The following PANK2 variants were observed in gnomAD, a reference collection of about 807,000 sequenced individuals.
PANK2 encodes the protein pantothenate kinase 2, mitochondrial.
Under a neutral mutation model 43.1 loss-of-function variants are expected in PANK2, and 36 were observed. The observed-to-expected ratio is 0.84, with a 90% CI of 0.64 to 1.10. The LOEUF (loss-of-function observed/expected upper bound fraction) is 1.10. Ranked by LOEUF, PANK2 falls within the 50% of genes least tolerant of loss-of-function variation. The pLI, the probability that PANK2 is intolerant of heterozygous loss-of-function variation, is 0.00. For synonymous variants in PANK2, 281 were observed against 238.2 expected (o/e 1.18, Z -1.66); for missense variants, 576 against 593.3 (o/e 0.97, Z 0.30).
At chr20:3,890,304 T>C (rs917850597) in intron 1 of PANK2, among the ~76,000 whole-genome samples, 3 of 152,170 alleles carry the variant, frequency 2.0e-5, no homozygotes, top group African/African-American at 7.2e-5. Flanking sequence ...CCCTCCGTTT[T>C]CCTTCTGTCT....
chr20:3,916,906 A>T (rs2090569099), intron 4 of PANK2, 21 bp from the exon 5 acceptor site: 1 of 1,573,670 alleles, frequency 6.4e-7, no homozygotes, highest in African/African-American at 1.4e-5. Flanking sequence ...TAGCAATGGG[A>T]TTTTTTTTCC....
chr20:3,927,422 A>G lies in PANK2; in HGVS notation c.*4128A>G, dbSNP rs564243726. 2 of 152,352 alleles carry G rather than the reference A, an allele frequency of 1.3e-5. No homozygotes were observed. The highest frequency in any genetic ancestry group is 2.1e-4 in the South Asian group (1 of 4,828). 9.4% of individuals were successfully genotyped at this position (152,352 alleles called of 1,614,324 possible). A position where few individuals can be genotyped will look rare whatever the true frequency, so the allele number is the denominator to read the frequency against. ...ATTTTAAAATAGCAATTAAATATACAAAAATATAGCTTACAAAAAACTGCG... is the reference window on the plus strand; with the variant it reads ...ATTTTAAAATAGCAATTAAATATACGAAAATATAGCTTACAAAAAACTGCG... On this transcript the variant is annotated 3_prime_UTR_variant, in exon 7 of 7. Coordinates refer to ENST00000610179, the MANE Select transcript of PANK2 (RefSeq NM_001386393.1).
Position 3,928,228 on chromosome 20 carries a change from T to G in PANK2, c.*4934T>G, listed in dbSNP as rs2090755994. 1 of 150,906 alleles carries G rather than the reference T, an allele frequency of 6.6e-6. No individual in the cohort carries two copies. The highest frequency in any genetic ancestry group is 6.6e-5 in the Admixed American group (1 of 15,200). The allele number at this position is 150,906 out of a possible 1,614,324, so 9.3% of individuals were successfully genotyped here. Reference sequence around the variant, plus strand: ...AGAGATTCTACAAATGCCAGAAGAGTGGATGTGATAGAGAATTTTTTCTCA... The same window carrying G: ...AGAGATTCTACAAATGCCAGAAGAGGGGATGTGATAGAGAATTTTTTCTCA... On this transcript the variant is annotated 3_prime_UTR_variant, in exon 7 of 7. Transcript: ENST00000610179.
At chr20:3,913,618 A>G (rs1386211252) in intron 4 of PANK2, among the ~76,000 whole-genome samples, 1 of 149,204 alleles carries the variant, frequency 6.7e-6, no homozygotes, top group Non-Finnish European at 1.5e-5. Flanking sequence ...TACAGGTGTG[A>G]GCCACCGCGC....
chr20:3,927,707 C>T lies in PANK2; in HGVS notation c.*4413C>T, dbSNP rs1477266824. ...TTCCTAACACTTGCCACACCTGCTC[C>T]CCCGACCGGGGGCCTGGGAGGGAAG... is the stretch of plus-strand genomic sequence containing the variant. On this transcript the variant is annotated 3_prime_UTR_variant, in exon 7 of 7. Coordinates refer to ENST00000610179, the MANE Select transcript of PANK2 (RefSeq NM_001386393.1). 1 of 152,244 alleles carries T rather than the reference C, an allele frequency of 6.6e-6. No homozygotes were observed. Among genetic ancestry groups the T allele is most frequent in the Non-Finnish European group, 1.5e-5 (1 of 68,080 alleles). The allele number at this position is 152,244 out of a possible 1,614,324, so 9.4% of individuals were successfully genotyped here.
In PANK2 at chr20:3,929,331, T is replaced by C. The variant is rs2090784488; in HGVS notation, c.*6037T>C. 6.6e-6 allele frequency: 1 copy of C among 152,218 alleles called. No homozygotes were observed. The highest frequency in any genetic ancestry group is 6.5e-5 in the Admixed American group (1 of 15,272). The allele number at this position is 152,218 out of a possible 1,614,324, so 9.4% of individuals were successfully genotyped here. A position where few individuals can be genotyped will look rare whatever the true frequency, so the allele number is the denominator to read the frequency against. ...GGAGGATCACTTGAGTCCAGGAAGT[T>C]GAGGCTGCAGTGAGCTACAATGGTG... On this transcript the variant is annotated 3_prime_UTR_variant, in exon 7 of 7. Transcript: ENST00000610179.
intron 1 of PANK2, among the ~76,000 whole-genome samples, chr20:3,903,773 A>T (rs1054405637): frequency 6.6e-6 from 1 of 151,664 alleles, no homozygotes; most frequent in Non-Finnish European, 1.5e-5. Context: ...GATTAGAGGC[A>T]TGTGCCACCA....
intron 1 of PANK2, among the ~76,000 whole-genome samples, chr20:3,892,201 G>A (rs376154850): frequency 4.7e-4 from 72 of 152,080 alleles, no homozygotes; most frequent in Non-Finnish European, 7.8e-4. Context: ...AAAATTAGCT[G>A]GGCGTGGTGG....
chr20:3,904,953 G>T (rs2090361472), intron 1 of PANK2, among the ~76,000 whole-genome samples: 1 of 152,190 alleles, frequency 6.6e-6, no homozygotes, highest in Non-Finnish European at 1.5e-5. Context: ...TTTAGGGGAG[G>T]TATGAGATAC....
In PANK2 at chr20:3,907,963, G is replaced by C; in HGVS notation, c.336G>C (p.Leu112=). The C allele has an allele frequency of 6.2e-7, 1 of 1,614,102 alleles. No individual in the cohort carries two copies. Among genetic ancestry groups the C allele is most frequent in the Non-Finnish European group, 8.5e-7 (1 of 1,180,028 alleles). Residue 112 remains leucine, a synonymous_variant, in exon 2 of 7, where the codon CTG becomes CTC. Transcript: ENST00000610179. ...TTGGACTGGATATCGGTGGAACTCT[G>C]GTCAAGCTGGTATATTTTGAACCCA... is the stretch of plus-strand genomic sequence containing the variant.
chr20:3,893,944 T>A (rs1435217139), intron 1 of PANK2, among the ~76,000 whole-genome samples: 1 of 132,574 alleles, frequency 7.5e-6, no homozygotes, highest in African/African-American at 2.7e-5. Flanking sequence ...TTTTTTTTTT[T>A]TTTTTTAGAG....
chr20:3,895,969 A>G (rs960780403), intron 1 of PANK2, among the ~76,000 whole-genome samples: 20 of 152,160 alleles, frequency 1.3e-4, no homozygotes, highest in African/African-American at 4.6e-4. Context: ...CAGCCTAGAC[A>G]TGGATTTGCG....
intron 1 of PANK2, among the ~76,000 whole-genome samples, chr20:3,901,809 T>C (rs1218597204): frequency 1.3e-5 from 2 of 152,040 alleles, no homozygotes; most frequent in Non-Finnish European, 2.9e-5. Context: ...GAAAATTGTT[T>C]TTGCACTCCC....
chr20:3,919,530 A>G (rs1311607062), intron 6 of PANK2, among the ~76,000 whole-genome samples: 2 of 152,260 alleles, frequency 1.3e-5, no homozygotes, highest in East Asian at 3.8e-4. Context: ...CTCTCAGACT[A>G]GAACCATACT....
At chr20:3,891,242 A>T in intron 1 of PANK2, 1 of 152,060 alleles carries the variant, frequency 6.6e-6, no homozygotes, top group Non-Finnish European at 1.5e-5. Flanking sequence ...TTTTTTAAAT[A>T]GAGATGGGAT....
chr20:3,906,547 C>T (rs1302525606), intron 1 of PANK2, among the ~76,000 whole-genome samples: 2 of 152,034 alleles, frequency 1.3e-5, no homozygotes, highest in African/African-American at 2.4e-5. Context: ...TACAGTTGGG[C>T]AAAATCTTCT....
At position 3,923,639 on chromosome 20, in the gene PANK2, C is replaced by G; in HGVS notation, c.*345C>G. On this transcript the variant is annotated 3_prime_UTR_variant, in exon 7 of 7. Transcript: ENST00000610179. ...GTGTTCAGTTGACTGGTTTTGTGTC[C>G]TGTTTGAACTTGCTGAATGTAAGGC... 2.7e-6 allele frequency: 1 copy of G among 370,670 alleles called. No homozygotes were observed. Among genetic ancestry groups the G allele is most frequent in the South Asian group, 3.1e-5 (1 of 31,884 alleles). 23.0% of individuals were successfully genotyped at this position (370,670 alleles called of 1,614,324 possible). A position where few individuals can be genotyped will look rare whatever the true frequency, so the allele number is the denominator to read the frequency against.
chr20:3,896,619 G>A (rs185577429), intron 1 of PANK2, among the ~76,000 whole-genome samples: 1 of 152,196 alleles, frequency 6.6e-6, no homozygotes, highest in Admixed American at 6.5e-5. Context: ...GTGGGGGCTT[G>A]AAGGTTAAGT....
intron 1 of PANK2, among the ~76,000 whole-genome samples, chr20:3,906,226 A>T (rs1272479000): frequency 6.6e-6 from 1 of 151,132 alleles, no homozygotes; most frequent in African/African-American, 2.4e-5. Context: ...GGAGTTCAAG[A>T]CCAGCCTGGC....
Sources: gnomAD v4.1 joint callset for allele counts (sites outside exome capture counted in the v4.1 genomes callset) on GRCh38, gnomAD v4.1.1 for gene constraint, MANE v1.5 for transcripts, NCBI Gene and HGNC (gene_info 2026-07-23, HGNC 2026-07-21) for gene names.